HDAC4: variants seen among roughly 807,000 people sequenced by gnomAD.
HDAC4 encodes the protein histone deacetylase 4.
In HDAC4, 16 loss-of-function variants were observed where a neutral mutation model predicts 135.1. The ratio of observed to expected loss-of-function variants is 0.12; its 90% CI spans 0.08 to 0.18. The LOEUF (loss-of-function observed/expected upper bound fraction) is 0.18, where lower values mean the gene tolerates loss of function less well. Among genes scored for constraint, HDAC4 ranks in the 10% least tolerant of loss-of-function variants. The pLI, the probability that HDAC4 is intolerant of heterozygous loss-of-function variation, is 1.00. For missense variants in HDAC4, 1,143 were observed against 1,511.8 expected, an observed-to-expected ratio of 0.76 and a Z score of 4.05; for synonymous variants, 685 against 653.4, an observed-to-expected ratio of 1.05 and a Z score of -0.74.
chr2:239,162,902 AT>A lies in HDAC4; in HGVS notation c.611+900del, dbSNP rs1179767182. ...TCCATTTTGAGGCTTGAGAATAGCT[AT>A]TTTTTTTCCAACGAAATTACTGATA... On this transcript the variant is annotated intron_variant, in intron 6 of 26. Coordinates refer to ENST00000543185, the MANE Select transcript of HDAC4 (RefSeq NM_001378414.1). Among the ~76,000 whole-genome samples, 11 of 151,768 alleles carry A rather than the reference AT, an allele frequency of 7.2e-5. No homozygotes were observed. In the East Asian group the frequency reaches 1.9e-3, roughly 27 times the overall value.
intron 24 of HDAC4, among the ~76,000 whole-genome samples, chr2:239,065,091 T>C (rs2033298097): frequency 6.6e-6 from 1 of 152,204 alleles, no homozygotes; most frequent in Non-Finnish European, 1.5e-5. Flanking sequence ...ACCCGGACCG[T>C]CCTGGAGTGA....
intron 5 of HDAC4, among the ~76,000 whole-genome samples, chr2:239,170,252 A>G: frequency 6.6e-6 from 1 of 152,372 alleles, no homozygotes. Flanking sequence ...AACATAATAT[A>G]GGCATAATAA....
intron 3 of HDAC4, among the ~76,000 whole-genome samples, chr2:239,203,639 C>T (rs1038943354): frequency 9.2e-5 from 14 of 152,128 alleles, no homozygotes; most frequent in Non-Finnish European, 1.5e-4. Context: ...TGGTGACTGC[C>T]GTGGTGACTG....
At chr2:239,248,521 G>A (rs2048600560) in intron 2 of HDAC4, among the ~76,000 whole-genome samples, 2 of 152,088 alleles carry the variant, frequency 1.3e-5, no homozygotes, top group Admixed American at 6.6e-5. Flanking sequence ...TCAATTCACT[G>A]AAAATGTATT....
At chr2:239,058,422 A>G (rs1302941757) in intron 24 of HDAC4, among the ~76,000 whole-genome samples, 1 of 152,262 alleles carries the variant, frequency 6.6e-6, no homozygotes, top group African/African-American at 2.4e-5. Context: ...CCACGTTTCC[A>G]CTTAAAGCAC....
intron 2 of HDAC4, among the ~76,000 whole-genome samples, chr2:239,283,323 G>A (rs1429226378): frequency 6.6e-6 from 1 of 152,250 alleles, no homozygotes; most frequent in Non-Finnish European, 1.5e-5. Context: ...CCGGAGGAAG[G>A]GGCTCCCGGC....
chr2:239,316,222 T>G (rs923804679), intron 2 of HDAC4, among the ~76,000 whole-genome samples: 5 of 152,228 alleles, frequency 3.3e-5, no homozygotes, highest in Non-Finnish European at 5.9e-5. Context: ...AAGTTTCCTA[T>G]AGGAAATCTT....
intron 6 of HDAC4, among the ~76,000 whole-genome samples, chr2:239,163,443 C>A (rs2042937123): frequency 6.6e-6 from 1 of 152,126 alleles, no homozygotes; most frequent in Admixed American, 6.5e-5. Flanking sequence ...AGTGGACCCC[C>A]AGACCACGTC....
intron 12 of HDAC4, among the ~76,000 whole-genome samples, chr2:239,121,264 T>C (rs1412332757): frequency 1.3e-5 from 2 of 152,168 alleles, no homozygotes; most frequent in African/African-American, 2.4e-5. Context: ...GCTTTAAATT[T>C]CAAACTTAAA....
At chr2:239,153,112 G>A (rs1245545243) in intron 7 of HDAC4, among the ~76,000 whole-genome samples, 1 of 152,174 alleles carries the variant, frequency 6.6e-6, no homozygotes, top group African/African-American at 2.4e-5. Context: ...CCCAAGCTCC[G>A]AATAGGAGTC....
chr2:239,055,949 C>T (rs570187661), intron 24 of HDAC4, among the ~76,000 whole-genome samples: 6 of 152,282 alleles, frequency 3.9e-5, no homozygotes, highest in East Asian at 3.9e-4. Flanking sequence ...CGAGGACAGA[C>T]GCACGACGAC....
Position 239,167,608 on chromosome 2 carries a change from C to T in HDAC4, c.491-3685G>A, listed in dbSNP as rs1402426180. 6.6e-6 allele frequency among the ~76,000 whole-genome samples: 1 copy of T among 152,190 alleles called. No homozygotes were observed. The highest frequency in any genetic ancestry group is 1.5e-5 in the Non-Finnish European group (1 of 68,036). On this transcript the variant is annotated intron_variant, in intron 5 of 26. Transcript: ENST00000543185. The surrounding 1 kb of genome is among the most constrained non-coding windows in gnomAD (Gnocchi z 4.1). ...GAGGGGCTGATTCTGACCCCCACCCCGTTTCTGCACTTCTGGTTATGCACA... is the reference window on the plus strand; with the variant it reads ...GAGGGGCTGATTCTGACCCCCACCCTGTTTCTGCACTTCTGGTTATGCACA...
At chr2:239,318,120 C>T (rs150326360) in intron 2 of HDAC4, among the ~76,000 whole-genome samples, 2 of 152,230 alleles carry the variant, frequency 1.3e-5, no homozygotes, top group East Asian at 1.9e-4. Context: ...GGTCAGTGCT[C>T]GGGGAGTAGC....
intron 2 of HDAC4, among the ~76,000 whole-genome samples, chr2:239,292,003 A>G (rs1436083008): frequency 1.3e-5 from 2 of 152,162 alleles, no homozygotes; most frequent in Non-Finnish European, 2.9e-5. Flanking sequence ...CAGGACAGCC[A>G]CGCCAGGGGC....
At chr2:239,381,103 G>A (rs370033832) in intron 1 of HDAC4, among the ~76,000 whole-genome samples, 5 of 152,236 alleles carry the variant, frequency 3.3e-5, no homozygotes, top group African/African-American at 4.8e-5. Context: ...TGACGTACAC[G>A]CGATGCTCTG....
intron 1 of HDAC4, among the ~76,000 whole-genome samples, chr2:239,361,396 T>C (rs1416994202): frequency 6.6e-6 from 1 of 152,220 alleles, no homozygotes; most frequent in Non-Finnish European, 1.5e-5. Flanking sequence ...AAGTTTGTGG[T>C]ACTTTAAGCC....
At chr2:239,395,372 A>G (rs1696490244) in intron 1 of HDAC4, among the ~76,000 whole-genome samples, 1 of 152,242 alleles carries the variant, frequency 6.6e-6, no homozygotes, top group Non-Finnish European at 1.5e-5. Context: ...GATGGGCTGT[A>G]GCAGAGCCCG....
At position 239,240,282 on chromosome 2, in the gene HDAC4, A is replaced by G; in HGVS notation, c.23-3618T>C. Among the ~76,000 whole-genome samples, 1 of 152,202 alleles carries G rather than the reference A, an allele frequency of 6.6e-6. No homozygotes were observed. Among genetic ancestry groups the G allele is most frequent in the Middle Eastern group, 3.2e-3 (1 of 316 alleles). On this transcript the variant is annotated intron_variant, in intron 2 of 26. Coordinates refer to ENST00000543185, the MANE Select transcript of HDAC4 (RefSeq NM_001378414.1). This position sits in a 1 kb window ranked among gnomAD's most constrained non-coding sequence, Gnocchi z 4.5. ...CAAAGAACGTCTGTCACCAGGGTGAAATAGACAAGCTGCGGTACACAGCCA... is the reference window on the plus strand; with the variant it reads ...CAAAGAACGTCTGTCACCAGGGTGAGATAGACAAGCTGCGGTACACAGCCA...
At chr2:239,196,356 GCGTCCCTTCAAA>G (rs374372945) in intron 3 of HDAC4, among the ~76,000 whole-genome samples, 34 of 152,326 alleles carry the variant, frequency 2.2e-4, no homozygotes, top group African/African-American at 7.7e-4. Context: ...GTCACCCTCT[GCGTCCCTTCAAA>G]CCACATGCAC....
Sources: gnomAD v4.1 joint callset for allele counts (sites outside exome capture counted in the v4.1 genomes callset) on GRCh38, gnomAD v4.1.1 for gene constraint, Gnocchi (gnomAD v3.1) non-coding constraint, MANE v1.5 for transcripts, NCBI Gene and HGNC (gene_info 2026-07-23, HGNC 2026-07-21) for gene names.